KCNJ1: variants seen among roughly 807,000 people sequenced by gnomAD.
KCNJ1 encodes the protein ATP-sensitive inward rectifier potassium channel 1.
KCNJ1 carries 24 observed loss-of-function variants against 21.9 expected under a neutral mutation model. That is an observed-to-expected ratio of 1.10 (90% CI 0.79 to 1.54). KCNJ1 has a LOEUF of 1.54. KCNJ1 is among the 40% of genes most tolerant of loss of function. The pLI is 0.00. For missense variants in KCNJ1, 457 were observed against 455.4 expected (o/e 1.00, Z -0.03); for synonymous variants, 152 against 160.9 (o/e 0.94, Z 0.42).
intron 2 of KCNJ1, among the ~76,000 whole-genome samples, chr11:128,845,902 G>A (rs1316718307): frequency 6.6e-6 from 1 of 152,162 alleles, no homozygotes; most frequent in Non-Finnish European, 1.5e-5. Flanking sequence ...CTTCCTAGGT[G>A]CCTCCCTCCT....
intron 1 of KCNJ1, among the ~76,000 whole-genome samples, chr11:128,864,548 A>G (rs952333236): frequency 6.6e-6 from 1 of 152,026 alleles, no homozygotes; most frequent in Non-Finnish European, 1.5e-5. Flanking sequence ...ACTTTTTGCT[A>G]TTTCACAGCA....
intron 1 of KCNJ1, among the ~76,000 whole-genome samples, chr11:128,866,067 C>A (rs1223391974): frequency 6.6e-6 from 1 of 152,140 alleles, no homozygotes; most frequent in East Asian, 1.9e-4. Context: ...GATATCTCCA[C>A]CCCATCATGC....
At position 128,839,739 on chromosome 11, in the gene KCNJ1, G is replaced by GT. The variant is rs769554073; in HGVS notation, c.504dup (p.Arg169ThrfsTer28). On this transcript the variant is annotated frameshift_variant, in exon 3 of 3. Transcript: ENST00000392666. LOFTEE classifies it high-confidence loss of function. The stretch of plus-strand genomic sequence containing the variant: ...TTGCTGAACGTAATGGTCTTGGCAC[G>GT]TTTTTTGGGCCTGGAGATCTTGGCT... The GT allele has an allele frequency of 2.5e-6, 4 of 1,613,724 alleles. No homozygotes were observed. The highest frequency in any genetic ancestry group is 3.4e-6 in the Non-Finnish European group (4 of 1,179,946).
At chr11:128,860,830 A>T (rs188004053) in intron 1 of KCNJ1, among the ~76,000 whole-genome samples, 104 of 152,330 alleles carry the variant, frequency 6.8e-4, no homozygotes, top group Non-Finnish European at 1.1e-3. Flanking sequence ...ATTACCAGCT[A>T]TGTGACAGGG....
chr11:128,840,988 A>G (rs1157286313), intron 2 of KCNJ1, among the ~76,000 whole-genome samples: 1 of 152,204 alleles, frequency 6.6e-6, no homozygotes, highest in African/African-American at 2.4e-5. Flanking sequence ...GTTATATTCT[A>G]AAGTCACACT....
intron 1 of KCNJ1, among the ~76,000 whole-genome samples, chr11:128,858,849 G>T (rs1314940309): frequency 1.3e-5 from 2 of 152,212 alleles, no homozygotes; most frequent in African/African-American, 4.8e-5. Context: ...GTAGCTATAT[G>T]TCTACCTTGG....
intron 2 of KCNJ1, among the ~76,000 whole-genome samples, chr11:128,848,753 T>C (rs1274792458): frequency 6.6e-6 from 1 of 152,064 alleles, no homozygotes; most frequent in Non-Finnish European, 1.5e-5. Context: ...TTTCTAAGAA[T>C]TTTTCTCTTC....
rs752506242 is a variant in KCNJ1 at position 128,839,084 on chromosome 11, A to G, written c.*41T>C. The G allele has an allele frequency of 6.4e-7, 1 of 1,569,080 alleles. No homozygotes were observed. The highest frequency in any genetic ancestry group is 1.7e-5 in the Admixed American group (1 of 59,892). ...CTTCATAATGCTTCTAGGTACTAGG[A>G]GCTTTAGAGACTTTGCTTTACTCCC... is the stretch of plus-strand genomic sequence containing the variant. On this transcript the variant is annotated 3_prime_UTR_variant, in exon 3 of 3. Coordinates refer to ENST00000392666, the MANE Select transcript of KCNJ1 (RefSeq NM_153766.3).
intron 2 of KCNJ1, among the ~76,000 whole-genome samples, chr11:128,843,379 G>A (rs1943322853): frequency 6.6e-6 from 1 of 152,160 alleles, no homozygotes; most frequent in South Asian, 2.1e-4. Flanking sequence ...CAAGCAAAGG[G>A]CTGCACATTA....
At position 128,839,161 on chromosome 11, in the gene KCNJ1, C is replaced by G. The variant is rs773891455; in HGVS notation, c.1083G>C (p.Leu361Phe). 6.2e-7 allele frequency: 1 copy of G among 1,614,122 alleles called. No homozygotes were observed. The highest frequency in any genetic ancestry group is 8.5e-7 in the Non-Finnish European group (1 of 1,180,016). Reference sequence around the variant, plus strand: ...TGTCATCTGTTTCATTGACTTCTGACAAGATGAAGTTGGGGTTGTCATAGC... The same window carrying G: ...TGTCATCTGTTTCATTGACTTCTGAGAAGATGAAGTTGGGGTTGTCATAGC... Reference protein sequence around the residue: ...KRGYDNPNFILSEVNETDDTK... With the variant: ...KRGYDNPNFIFSEVNETDDTK... The change falls in exon 3 of 3, where the codon TTG becomes TTC. Residue 361 changes from leucine to phenylalanine, a missense_variant. Physicochemically the swap from Leu to Phe is conservative, Grantham distance 22. Transcript: ENST00000392666.
rs565893144 is a variant in KCNJ1, at chr11:128,838,157, A to G, written c.*968T>C. On this transcript the variant is annotated 3_prime_UTR_variant, in exon 3 of 3. Transcript: ENST00000392666. ...ATCTGAAGAAGACTTTCACAGTAAA[A>G]CTTTCCCCTCAAGGTCGAGCCTTCC... 1.3e-5 allele frequency: 2 copies of G among 152,600 alleles called. No homozygotes were observed. The highest frequency in any genetic ancestry group is 2.9e-5 in the Non-Finnish European group (2 of 68,026). The allele number at this position is 152,600 out of a possible 1,614,324, so 9.5% of individuals were successfully genotyped here.
At chr11:128,841,690 A>C (rs1394212354) in intron 2 of KCNJ1, among the ~76,000 whole-genome samples, 3 of 152,208 alleles carry the variant, frequency 2.0e-5, no homozygotes, top group African/African-American at 7.2e-5. Context: ...AATAATAGTG[A>C]TATCCCACAG....
chr11:128,839,224 A>G lies in KCNJ1; in HGVS notation c.1020T>C (p.Leu340=), dbSNP rs771438027. 2 of 1,614,142 alleles carry G rather than the reference A, an allele frequency of 1.2e-6. No homozygotes were observed. Among genetic ancestry groups the G allele is most frequent in the South Asian group, 2.2e-5 (2 of 91,080 alleles). The change falls in exon 3 of 3, where the codon CTT becomes CTC. Residue 340 remains leucine, a synonymous_variant. Transcript: ENST00000392666. ...TGGCTCTAACATCTTTCTCATTATAAAGGCACATGGCACAGTGAGGGGTCT... is the reference window on the plus strand; with the variant it reads ...TGGCTCTAACATCTTTCTCATTATAGAGGCACATGGCACAGTGAGGGGTCT... The part of the protein sequence containing the change: ...EVETPHCAMC[L]YNEKDVRARM...
chr11:128,857,003 G>A (rs536653146), intron 1 of KCNJ1, among the ~76,000 whole-genome samples: 4 of 152,058 alleles, frequency 2.6e-5, no homozygotes, highest in Non-Finnish European at 5.9e-5. Context: ...CTGTTCTGAT[G>A]ACCTCAAGGC....
chr11:128,862,594 T>C (rs1007637776), intron 1 of KCNJ1, among the ~76,000 whole-genome samples: 2 of 152,206 alleles, frequency 1.3e-5, no homozygotes, highest in Non-Finnish European at 2.9e-5. Flanking sequence ...TTCGCTGATG[T>C]GTCATGCAGC....
rs182553654 is a variant in KCNJ1 at position 128,850,823 on chromosome 11, G to T, written c.-124C>A. On this transcript the variant is annotated 5_prime_UTR_variant, in exon 2 of 3. Coordinates refer to ENST00000392666, the MANE Select transcript of KCNJ1 (RefSeq NM_153766.3). The stretch of plus-strand genomic sequence containing the variant: ...CTTGGTTTGGGATTCCACCTGTGGG[G>T]CTCAGAACTTGTCACACTGTCTTTG... 2.4e-5 allele frequency: 24 copies of T among 985,356 alleles called. No individual in the cohort carries two copies. In the Middle Eastern group the frequency reaches 2.1e-3, roughly 86 times the overall value. 61.0% of individuals were successfully genotyped at this position (985,356 alleles called of 1,614,324 possible). A position where few individuals can be genotyped will look rare whatever the true frequency, so the allele number is the denominator to read the frequency against.
chr11:128,858,362 G>A (rs943872767), intron 1 of KCNJ1, among the ~76,000 whole-genome samples: 2 of 152,116 alleles, frequency 1.3e-5, no homozygotes, highest in African/African-American at 4.8e-5. Context: ...GGCAAGAACA[G>A]TTAAATGTCA....
At chr11:128,855,059 A>T (rs978486396) in intron 1 of KCNJ1, among the ~76,000 whole-genome samples, 7 of 152,218 alleles carry the variant, frequency 4.6e-5, no homozygotes, top group Non-Finnish European at 8.8e-5. Flanking sequence ...GATTTTACAG[A>T]GCTAATTTCT....
chr11:128,840,109 G>T lies in KCNJ1; in HGVS notation c.135C>A (p.Phe45Leu). ...GNVEAQSRFI[F>L]FVDIWTTVLD... ...GTACCGTTGTCCAGATGTCCACAAA[G>T]AATATAAACCTTGACTGTGCCTCCA... Residue 45 changes from phenylalanine to leucine, a missense_variant, in exon 3 of 3, where the codon TTC becomes TTA. Phe to Leu is a conservative substitution (Grantham distance 22). Coordinates refer to ENST00000392666, the MANE Select transcript of KCNJ1 (RefSeq NM_153766.3). The T allele has an allele frequency of 7.4e-6, 12 of 1,614,120 alleles. No homozygotes were observed. Among genetic ancestry groups the T allele is most frequent in the Non-Finnish European group, 1.0e-5 (12 of 1,180,020 alleles).
Sources: gnomAD v4.1 joint callset for allele counts (sites outside exome capture counted in the v4.1 genomes callset) on GRCh38, gnomAD v4.1.1 for gene constraint, MANE v1.5 for transcripts, NCBI Gene and HGNC (gene_info 2026-07-23, HGNC 2026-07-21) for gene names.